ZNF93: variants seen among roughly 807,000 people sequenced by gnomAD.
The protein encoded by ZNF93 is zinc finger protein 93, also known as zinc finger protein 505.
A neutral mutation model predicts 45.0 loss-of-function variants in ZNF93; 29 were observed. The ratio of observed to expected loss-of-function variants is 0.64; its 90% CI spans 0.48 to 0.88. ZNF93 has a LOEUF of 0.88. Ranked by LOEUF, ZNF93 falls within the 40% of genes least tolerant of loss-of-function variation. The probability of loss-of-function intolerance (pLI) is 0.00; values close to 1 mark genes in which losing one functional copy is unlikely to be tolerated. For synonymous variants in ZNF93, 223 were observed against 244.6 expected (o/e 0.91, Z 0.82); for missense variants, 578 against 724.0 (o/e 0.80, Z 2.31).
rs11786 is a variant in ZNF93 at position 19,935,409 on chromosome 19, C to T, written c.*591C>T. On this transcript the variant is annotated 3_prime_UTR_variant, in exon 4 of 4. Transcript: ENST00000343769. ...CTAAGGGCCCAACGAAAGATCTTTA[C>T]CTTCTAACATCAGTTTATGAAAACT... 0.088 allele frequency: 13,486 copies of T among 152,694 alleles called. 1,484 individuals carry two copies. The highest frequency in any genetic ancestry group is 0.26 in the African/African-American group (10,894 of 41,488). The allele number at this position is 152,694 out of a possible 1,614,324, so 9.5% of individuals were successfully genotyped here.
chr19:19,922,548 C>T (rs1225931255), intron 3 of ZNF93, among the ~76,000 whole-genome samples: 1 of 152,208 alleles, frequency 6.6e-6, no homozygotes, highest in Non-Finnish European at 1.5e-5. Context: ...AGCTTGGTTC[C>T]ATTCTCCCCA....
intron 3 of ZNF93, among the ~76,000 whole-genome samples, chr19:19,925,863 C>T (rs919300929): frequency 2.0e-5 from 3 of 152,020 alleles, no homozygotes; most frequent in African/African-American, 7.2e-5. Flanking sequence ...TGGATTACAG[C>T]AGTTTCATTT....
rs187097476 is a variant in ZNF93 at position 19,933,328 on chromosome 19, G to A, written c.373G>A (p.Val125Met). ...KRCESVDECK[V>M]HTGGYNGLNQ... is the part of the protein sequence containing the mutation. ...GTGTGAAAGTGTAGATGAGTGTAAGGTGCACACAGGAGGTTATAATGGACT... is the reference window on the plus strand; with the variant it reads ...GTGTGAAAGTGTAGATGAGTGTAAGATGCACACAGGAGGTTATAATGGACT... The change falls in exon 4 of 4, where the codon GTG becomes ATG. Residue 125 changes from valine to methionine, a missense_variant. Coordinates refer to ENST00000343769, the MANE Select transcript of ZNF93 (RefSeq NM_031218.4). 103 of 1,611,988 alleles carry A rather than the reference G, an allele frequency of 6.4e-5. No homozygotes were observed. In the East Asian group the frequency reaches 2.0e-3, roughly 31 times the overall value.
In ZNF93 at chr19:19,916,758, A is replaced by G. The variant is rs946393148; in HGVS notation, c.226+103A>G. 15 of 826,498 alleles carry G rather than the reference A, an allele frequency of 1.8e-5. No individual in the cohort carries two copies. In the African/African-American group the frequency reaches 2.0e-4, roughly 11 times the overall value. 51.2% of individuals were successfully genotyped at this position (826,498 alleles called of 1,614,324 possible). Reference sequence around the variant, plus strand: ...ATGTGATTCGGGAAGCTGTGTTCCAAAGGAAATAGTTCCTGGGCAGCTGTT... The same window carrying G: ...ATGTGATTCGGGAAGCTGTGTTCCAGAGGAAATAGTTCCTGGGCAGCTGTT... On this transcript the variant is annotated intron_variant, in intron 3 of 3. Coordinates refer to ENST00000343769, the MANE Select transcript of ZNF93 (RefSeq NM_031218.4).
chr19:19,907,376 TG>T (rs564140957), intron 1 of ZNF93, among the ~76,000 whole-genome samples: 275 of 152,300 alleles, frequency 1.8e-3, no homozygotes, highest in Non-Finnish European at 3.1e-3. Context: ...ATCAAATATT[TG>T]CAGGCTGAAG....
intron 3 of ZNF93, among the ~76,000 whole-genome samples, chr19:19,917,351 A>T (rs1267031924): frequency 6.6e-6 from 1 of 152,100 alleles, no homozygotes; most frequent in Non-Finnish European, 1.5e-5. Flanking sequence ...AGTTATAGAC[A>T]TAAAATATTT....
chr19:19,901,507 G>T (rs1488832594), intron 1 of ZNF93, among the ~76,000 whole-genome samples: 1 of 152,146 alleles, frequency 6.6e-6, no homozygotes, highest in South Asian at 2.1e-4. Context: ...GGGCAAGGTG[G>T]CTCACTCCTG....
rs187097476 is a variant in ZNF93 at position 19,933,328 on chromosome 19, G to T, written c.373G>T (p.Val125Leu). The T allele has an allele frequency of 1.2e-6, 2 of 1,611,872 alleles. No individual in the cohort carries two copies. The highest frequency in any genetic ancestry group is 1.3e-5 in the African/African-American group (1 of 74,780). The change falls in exon 4 of 4, where the codon GTG becomes TTG. Residue 125 changes from valine (V) to leucine (L), a missense_variant. Val to Leu is a conservative substitution (Grantham distance 32). Transcript: ENST00000343769. ...GTGTGAAAGTGTAGATGAGTGTAAGGTGCACACAGGAGGTTATAATGGACT... is the reference window on the plus strand; with the variant it reads ...GTGTGAAAGTGTAGATGAGTGTAAGTTGCACACAGGAGGTTATAATGGACT... ...KRCESVDECKVHTGGYNGLNQ... is the reference protein window; with the variant it reads ...KRCESVDECKLHTGGYNGLNQ...
At chr19:19,904,059 G>GAA (rs34703441) in intron 1 of ZNF93, among the ~76,000 whole-genome samples, 3 of 113,976 alleles carry the variant, frequency 2.6e-5, no homozygotes, top group Admixed American at 1.8e-4. Flanking sequence ...ATTCTGGCTG[G>GAA]AAAAAAAAAA....
At chr19:19,918,778 C>T (rs149567179) in intron 3 of ZNF93, among the ~76,000 whole-genome samples, 1,956 of 152,240 alleles carry the variant, frequency 0.013, 37 homozygotes, top group African/African-American at 0.042. Flanking sequence ...TAATATCCTT[C>T]GCCCACTTTT....
intron 3 of ZNF93, among the ~76,000 whole-genome samples, chr19:19,928,943 A>G (rs1446279395): frequency 1.3e-5 from 2 of 152,222 alleles, no homozygotes; most frequent in African/African-American, 4.8e-5. Context: ...TAGTTGGTCT[A>G]TAATATGGTT....
rs1324694166 is a variant in ZNF93 at position 19,912,889 on chromosome 19, A to G, written c.4-2391A>G. On this transcript the variant is annotated intron_variant, in intron 1 of 3. Coordinates refer to ENST00000343769, the MANE Select transcript of ZNF93 (RefSeq NM_031218.4). ...AGCACATAGTGCCTGCTTAATAAAC[A>G]TTGCATTAGTACCTGTGTACATGTT... 2.0e-5 allele frequency among the ~76,000 whole-genome samples: 3 copies of G among 152,234 alleles called. No homozygotes were observed. In the East Asian group the frequency reaches 5.8e-4, roughly 29 times the overall value.
At position 19,933,506 on chromosome 19, in the gene ZNF93, A is replaced by G. The variant is rs1479248784; in HGVS notation, c.551A>G (p.Gln184Arg). 2 of 1,607,306 alleles carry G rather than the reference A, an allele frequency of 1.2e-6. No individual in the cohort carries two copies. The highest frequency in any genetic ancestry group is 1.3e-5 in the African/African-American group (1 of 74,508). ...KCIECGKAFNQFSTLITHKKI... is the reference protein window; with the variant it reads ...KCIECGKAFNRFSTLITHKKI... ...ATAGAATGTGGCAAAGCTTTTAACC[A>G]GTTCTCAACCCTTATAACACATAAG... is the stretch of plus-strand genomic sequence containing the variant. The change falls in exon 4 of 4, where the codon CAG becomes CGG. Residue 184 changes from glutamine (Q) to arginine (R), a missense_variant. Physicochemically the swap from Gln to Arg is conservative, Grantham distance 43. This residue lies in a region of ZNF93 where 446 missense variants were observed against 547.6 expected (regional missense o/e 0.81). Coordinates refer to ENST00000343769, the MANE Select transcript of ZNF93 (RefSeq NM_031218.4).
In ZNF93 at chr19:19,933,823, T is replaced by A; in HGVS notation, c.868T>A (p.Cys290Ser). ...TGEKPYKCEE[C>S]GKAFNQSSTL... ...AGAGAAACCCTACAAATGTGAAGAATGTGGCAAAGCTTTTAACCAATCCTC... is the reference window on the plus strand; with the variant it reads ...AGAGAAACCCTACAAATGTGAAGAAAGTGGCAAAGCTTTTAACCAATCCTC... The change falls in exon 4 of 4, where the codon TGT becomes AGT. Residue 290 changes from cysteine to serine, a missense_variant. This residue lies in a region of ZNF93 where 446 missense variants were observed against 547.6 expected (regional missense o/e 0.81). Coordinates refer to ENST00000343769, the MANE Select transcript of ZNF93 (RefSeq NM_031218.4). 1 of 1,613,406 alleles carries A rather than the reference T, an allele frequency of 6.2e-7. No homozygotes were observed. Among genetic ancestry groups the A allele is most frequent in the African/African-American group, 1.3e-5 (1 of 74,850 alleles).
intron 3 of ZNF93, among the ~76,000 whole-genome samples, chr19:19,931,341 C>T (rs1599574097): frequency 6.6e-6 from 1 of 151,934 alleles, no homozygotes; most frequent in East Asian, 1.9e-4. Context: ...AGGTGCATGC[C>T]ACCATGCCCA....
At position 19,927,112 on chromosome 19, in the gene ZNF93, G is replaced by A. The variant is rs190744035; in HGVS notation, c.227-6070G>A. ...AATTTATTGAAGTTTATATTTCAGGGCCAGGTGTGGTTGTGGTGCTCATGT... is the reference window on the plus strand; with the variant it reads ...AATTTATTGAAGTTTATATTTCAGGACCAGGTGTGGTTGTGGTGCTCATGT... On this transcript the variant is annotated intron_variant, in intron 3 of 3. Coordinates refer to ENST00000343769, the MANE Select transcript of ZNF93 (RefSeq NM_031218.4). The A allele has an allele frequency of 5.0e-5, 20 of 398,380 alleles. No individual in the cohort carries two copies. The Admixed American group carries it at 5.7e-4, about 11-fold the overall frequency. The allele number at this position is 398,380 out of a possible 1,614,324, so 24.7% of individuals were successfully genotyped here. A position where few individuals can be genotyped will look rare whatever the true frequency, so the allele number is the denominator to read the frequency against.
At chr19:19,916,487 T>G in intron 2 of ZNF93, 73 bp from the exon 3 acceptor site, 1 of 1,202,588 alleles carries the variant, frequency 8.3e-7, no homozygotes. Flanking sequence ...CACATCGTCT[T>G]TGCTGAGCAC....
chr19:19,929,319 C>T (rs1164860696), intron 3 of ZNF93, among the ~76,000 whole-genome samples: 3 of 152,146 alleles, frequency 2.0e-5, no homozygotes, highest in Admixed American at 6.5e-5. Flanking sequence ...AAATTATGCA[C>T]TCTCAAGTAT....
At chr19:19,923,555 T>G (rs2063347749) in intron 3 of ZNF93, among the ~76,000 whole-genome samples, 1 of 152,194 alleles carries the variant, frequency 6.6e-6, no homozygotes, top group Admixed American at 6.5e-5. Context: ...TGAGCTGTGG[T>G]GGGCTCCACG....
Sources: allele counts gnomAD v4.1 joint callset (sites outside exome capture counted in the v4.1 genomes callset), GRCh38; gene constraint gnomAD v4.1.1; regional missense constraint gnomAD v4.1.1; transcripts MANE v1.5; gene names NCBI Gene and HGNC (gene_info 2026-07-23, HGNC 2026-07-21).